MTCL2: variants seen among roughly 807,000 people sequenced by gnomAD.
MTCL2 encodes the protein microtubule cross-linking factor 2.
chr20:36,797,933 C>G, the MTCL2 span, among the ~76,000 whole-genome samples: 43 of 152,344 alleles, frequency 2.8e-4, no homozygotes, highest in African/African-American at 9.6e-4. Context: ...ACTGCTCCAT[C>G]CACAGTGGCC....
the MTCL2 span, among the ~76,000 whole-genome samples, chr20:36,837,672 G>A: frequency 6.6e-6 from 1 of 151,658 alleles, no homozygotes; most frequent in African/African-American, 2.4e-5. Context: ...CCGCCTCCCG[G>A]GTTCAAGCGA....
At chr20:36,791,138 G>A in the MTCL2 span, among the ~76,000 whole-genome samples, 1 of 151,638 alleles carries the variant, frequency 6.6e-6, no homozygotes, top group African/African-American at 2.4e-5. Flanking sequence ...GGGTTCACGC[G>A]ATTCTCCTGC....
the MTCL2 span, chr20:36,793,875 C>T: frequency 6.5e-7 from 1 of 1,549,686 alleles, no homozygotes; most frequent in African/African-American, 1.4e-5. The surrounding 1 kb of genome is among the most constrained non-coding windows in gnomAD (Gnocchi z 6.8). Flanking sequence ...GGTGACCAGG[C>T]CTTGCCATGG....
At chr20:36,786,740 T>A in the MTCL2 span, 7 of 1,153,294 alleles carry the variant, frequency 6.1e-6, no homozygotes, top group Middle Eastern at 2.5e-4. Context: ...GACTCGGCCA[T>A]AAACCAGTTC....
the MTCL2 span, chr20:36,812,700 C>A: frequency 1.2e-6 from 2 of 1,613,944 alleles, no homozygotes; most frequent in Non-Finnish European, 1.7e-6. Flanking sequence ...AGGCCTAGAC[C>A]CACCTCAGAG....
the MTCL2 span, among the ~76,000 whole-genome samples, chr20:36,855,191 T>C: frequency 1.1e-4 from 17 of 152,282 alleles, no homozygotes; most frequent in African/African-American, 4.1e-4. Flanking sequence ...CTGCACACTT[T>C]CTCTTACGGA....
chr20:36,816,119 C>A, the MTCL2 span: 2 of 1,613,624 alleles, frequency 1.2e-6, no homozygotes, highest in East Asian at 2.2e-5. Flanking sequence ...CGGTCTCCCG[C>A]GAGTGGGGGG....
At chr20:36,825,587 G>A in the MTCL2 span, among the ~76,000 whole-genome samples, 716 of 152,332 alleles carry the variant, frequency 4.7e-3, 3 homozygotes, top group African/African-American at 0.016. Flanking sequence ...TCTCTCTAGC[G>A]GAGAGCTGTC....
the MTCL2 span, chr20:36,779,180 T>C: frequency 6.6e-6 from 1 of 152,182 alleles, no homozygotes; most frequent in Non-Finnish European, 1.5e-5. Context: ...GTCTGTATAT[T>C]TTGCAAACTG....
chr20:36,853,337 C>T, the MTCL2 span, among the ~76,000 whole-genome samples: 1 of 152,196 alleles, frequency 6.6e-6, no homozygotes, highest in African/African-American at 2.4e-5. Flanking sequence ...GGAGAGGAAC[C>T]TCACAGAGGT....
the MTCL2 span, among the ~76,000 whole-genome samples, chr20:36,840,322 G>A: frequency 4.7e-5 from 7 of 150,344 alleles, no homozygotes; most frequent in East Asian, 2.0e-4. Flanking sequence ...CCGCCACCAC[G>A]CCTGGCTAAT....
At chr20:36,797,440 A>G in the MTCL2 span, 1 of 1,521,356 alleles carries the variant, frequency 6.6e-7, no homozygotes, top group South Asian at 1.2e-5. Context: ...GTCCCCCACA[A>G]GCAGGGACCT....
chr20:36,804,640 C>G, the MTCL2 span: 4 of 1,516,148 alleles, frequency 2.6e-6, no homozygotes, highest in Non-Finnish European at 3.6e-6. Context: ...TCTTATTCCT[C>G]TAGGAGCATG....
the MTCL2 span, chr20:36,805,915 C>T: frequency 6.2e-7 from 1 of 1,613,676 alleles, no homozygotes; most frequent in African/African-American, 1.3e-5. Flanking sequence ...GCGTTTATCT[C>T]CTCTTCCTCC....
the MTCL2 span, chr20:36,862,538 G>T: frequency 1.4e-5 from 14 of 980,462 alleles, no homozygotes; most frequent in Non-Finnish European, 1.6e-5. Flanking sequence ...GTCCCCAGAG[G>T]GCTTGGGCCC....
At chr20:36,858,927 A>AT in the MTCL2 span, among the ~76,000 whole-genome samples, 1 of 152,098 alleles carries the variant, frequency 6.6e-6, no homozygotes, top group South Asian at 2.1e-4. Flanking sequence ...AGTAGCTGGG[A>AT]TTACAGGCGC....
the MTCL2 span, chr20:36,783,949 G>T: frequency 4.1e-6 from 4 of 985,466 alleles, no homozygotes; most frequent in African/African-American, 7.0e-5. Context: ...GTGATGAGTG[G>T]CCTTGCACAG....
the MTCL2 span, among the ~76,000 whole-genome samples, chr20:36,798,312 C>T: frequency 2.0e-5 from 3 of 152,206 alleles, no homozygotes; most frequent in Non-Finnish European, 4.4e-5. Context: ...AGGTGATCCG[C>T]CTGCCTCGAC....
chr20:36,787,601 G>A, the MTCL2 span, among the ~76,000 whole-genome samples: 2 of 151,968 alleles, frequency 1.3e-5, no homozygotes, highest in Non-Finnish European at 2.9e-5. Context: ...GATCAAAAGT[G>A]CTGCTGCCAG....
Sources: gnomAD v4.1 joint callset for allele counts (sites outside exome capture counted in the v4.1 genomes callset) on GRCh38, gnomAD v4.1.1 for gene constraint, Gnocchi (gnomAD v3.1) non-coding constraint, MANE v1.5 for transcripts, NCBI Gene and HGNC (gene_info 2026-07-23, HGNC 2026-07-21) for gene names.